IDO2: variants seen among roughly 807,000 people sequenced by gnomAD.
The protein encoded by IDO2 is indoleamine 2,3-dioxygenase 2.
IDO2 carries 46 observed loss-of-function variants against 45.1 expected under a neutral mutation model. The ratio of observed to expected loss-of-function variants is 1.02; its 90% CI spans 0.80 to 1.30. IDO2 has a LOEUF of 1.30. Among genes scored for constraint, IDO2 ranks in the 50% most tolerant of loss-of-function variants. The probability of loss-of-function intolerance (pLI) is 0.00; values close to 1 mark genes in which losing one functional copy is unlikely to be tolerated. For synonymous variants in IDO2, 218 were observed against 184.9 expected (o/e 1.18, Z -1.45); for missense variants, 544 against 491.8 (o/e 1.11, Z -1.00).
At chr8:39,949,260 C>A (rs769653508) in exon 2 of IDO2, 4 of 1,585,300 alleles carry the variant, frequency 2.5e-6, no homozygotes, top group Non-Finnish European at 2.6e-6. Context: ...CTTCCAGATT[C>A]TCTGGTAAGG....
At chr8:39,948,462 T>C (rs1807770497) in intron 1 of IDO2, among the ~76,000 whole-genome samples, 1 of 152,098 alleles carries the variant, frequency 6.6e-6, no homozygotes, top group African/African-American at 2.4e-5. Flanking sequence ...CTCAAGCCCC[T>C]TCAACAGAAT....
intron 8 of IDO2, among the ~76,000 whole-genome samples, chr8:40,002,763 GAGT>G (rs1802159443): frequency 6.6e-6 from 1 of 151,994 alleles, no homozygotes; most frequent in Non-Finnish European, 1.5e-5. Flanking sequence ...CTGGGTGACA[GAGT>G]GAGGCTCCAT....
intron 2 of IDO2, among the ~76,000 whole-genome samples, chr8:39,958,436 G>A (rs1198406350): frequency 7.0e-6 from 1 of 143,758 alleles, no homozygotes; most frequent in Non-Finnish European, 1.5e-5. Context: ...TCACTCTGTC[G>A]CCCAGGCTGG....
At chr8:39,947,664 T>G (rs1046640013) in intron 1 of IDO2, among the ~76,000 whole-genome samples, 8 of 152,188 alleles carry the variant, frequency 5.3e-5, no homozygotes, top group Non-Finnish European at 4.4e-5. Context: ...TGTCAGGTTA[T>G]AAATGACCCT....
intron 8 of IDO2, among the ~76,000 whole-genome samples, chr8:39,999,966 T>C (rs1189606623): frequency 6.6e-6 from 1 of 152,230 alleles, no homozygotes; most frequent in African/African-American, 2.4e-5. Flanking sequence ...TCTCATTAGA[T>C]ACCTTGTTGA....
At chr8:40,010,266 GA>G (rs1183159841) in intron 9 of IDO2, among the ~76,000 whole-genome samples, 1 of 152,134 alleles carries the variant, frequency 6.6e-6, no homozygotes, top group Non-Finnish European at 1.5e-5. Flanking sequence ...CGCCAAGAAG[GA>G]ATGGCAAGTG....
At chr8:39,998,046 C>T (rs927093283) in intron 8 of IDO2, 4 of 233,168 alleles carry the variant, frequency 1.7e-5, no homozygotes, top group Non-Finnish European at 3.6e-5. Context: ...TCCCTTCTCT[C>T]CTTTCACAGC....
At chr8:39,983,190 T>A (rs1808378624) in intron 5 of IDO2, among the ~76,000 whole-genome samples, 1 of 152,140 alleles carries the variant, frequency 6.6e-6, no homozygotes, top group Non-Finnish European at 1.5e-5. Flanking sequence ...TCCAGGTGGG[T>A]TGGATTGAGA....
intron 7 of IDO2, 123 bp downstream of exon 7, chr8:39,988,093 C>T: frequency 1.7e-6 from 1 of 596,598 alleles, no homozygotes; most frequent in Non-Finnish European, 3.0e-6. Flanking sequence ...CTGCTTAGTT[C>T]AAGTCTGAGA....
At chr8:39,977,303 C>G (rs1296828151) in intron 3 of IDO2, among the ~76,000 whole-genome samples, 1 of 152,204 alleles carries the variant, frequency 6.6e-6, no homozygotes, top group African/African-American at 2.4e-5. Flanking sequence ...CAATGAACTA[C>G]CTGGTTTCGG....
chr8:40,003,653 T>C (rs2909328), intron 8 of IDO2, among the ~76,000 whole-genome samples: 83,129 of 151,944 alleles, frequency 0.55, 23,127 homozygotes, highest in Middle Eastern at 0.65. Flanking sequence ...TATGTGTTTT[T>C]TATTTATAAA....
chr8:39,948,340 C>T (rs1807768868), intron 1 of IDO2, among the ~76,000 whole-genome samples: 1 of 152,154 alleles, frequency 6.6e-6, no homozygotes, highest in Admixed American at 6.5e-5. Context: ...CCCTGCTCAC[C>T]ACAGATCACT....
At chr8:39,976,194 C>G (rs1808257629) in intron 3 of IDO2, among the ~76,000 whole-genome samples, 1 of 152,120 alleles carries the variant, frequency 6.6e-6, no homozygotes. Flanking sequence ...GGCCGCTTGT[C>G]TCAAACTCCT....
intron 9 of IDO2, among the ~76,000 whole-genome samples, chr8:40,005,728 G>A (rs964557571): frequency 6.6e-6 from 1 of 152,148 alleles, no homozygotes; most frequent in African/African-American, 2.4e-5. Context: ...TAGAAGGCTG[G>A]GGAGTGTAGT....
At chr8:39,958,952 G>C (rs1457875742) in intron 2 of IDO2, among the ~76,000 whole-genome samples, 1 of 152,132 alleles carries the variant, frequency 6.6e-6, no homozygotes, top group Non-Finnish European at 1.5e-5. Context: ...ACAAAAGAAT[G>C]GCTGTGTGTC....
chr8:39,935,710 A>C (rs916451040), intron 1 of IDO2, among the ~76,000 whole-genome samples: 4 of 152,178 alleles, frequency 2.6e-5, no homozygotes, highest in Non-Finnish European at 5.9e-5. Context: ...TTGACCTCCC[A>C]AAATGCTGGG....
intron 3 of IDO2, among the ~76,000 whole-genome samples, chr8:39,966,315 C>A (rs1808085229): frequency 6.6e-6 from 1 of 152,164 alleles, no homozygotes; most frequent in South Asian, 2.1e-4. Flanking sequence ...GCCTGAGCCA[C>A]CATGCACGGC....
intron 1 of IDO2, among the ~76,000 whole-genome samples, chr8:39,947,414 A>C (rs1807753433): frequency 6.6e-6 from 1 of 152,186 alleles, no homozygotes; most frequent in Admixed American, 6.5e-5. Flanking sequence ...TTTAGCCTAA[A>C]TATTTTCCCT....
intron 3 of IDO2, among the ~76,000 whole-genome samples, chr8:39,978,192 C>T (rs896265351): frequency 6.6e-6 from 1 of 152,318 alleles, no homozygotes; most frequent in East Asian, 1.9e-4. Context: ...GGAGGAGCCC[C>T]AGCTCTGTGC....
Sources: gnomAD v4.1 joint callset for allele counts (sites outside exome capture counted in the v4.1 genomes callset) on GRCh38, gnomAD v4.1.1 for gene constraint, MANE v1.5 for transcripts, NCBI Gene and HGNC (gene_info 2026-07-23, HGNC 2026-07-21) for gene names.